Variants in UNC5D observed in about 807,000 individuals in gnomAD.
UNC5D encodes unc-5 netrin receptor D.
UNC5D carries 39 observed loss-of-function variants against 105.4 expected under a neutral mutation model. The ratio of observed to expected loss-of-function variants is 0.37; its 90% CI spans 0.29 to 0.48. The LOEUF (loss-of-function observed/expected upper bound fraction) is 0.48, where lower values mean the gene tolerates loss of function less well. Ranked by LOEUF, UNC5D falls within the 20% of genes least tolerant of loss-of-function variation. The probability of loss-of-function intolerance (pLI) is 0.98; values close to 1 mark genes in which losing one functional copy is unlikely to be tolerated. For missense variants in UNC5D, 991 were observed against 1,202.4 expected, an observed-to-expected ratio of 0.82 and a Z score of 2.60; for synonymous variants, 452 against 450.4, an observed-to-expected ratio of 1.00 and a Z score of -0.04.
At chr8:35,790,233 TAG>T in intron 16 of UNC5D, 124 bp from the exon 17 acceptor site, 1 of 1,030,036 alleles carries the variant, frequency 9.7e-7, no homozygotes, top group Non-Finnish European at 1.4e-6. Context: ...TGCCTTACTA[TAG>T]CTTTTTATCC....
rs144841954 is a variant in UNC5D, at chr8:35,420,872, A to G, written c.104-128420A>G. 3.3e-5 allele frequency among the ~76,000 whole-genome samples: 5 copies of G among 152,290 alleles called. No homozygotes were observed. In the East Asian group the frequency reaches 9.7e-4, roughly 29 times the overall value. On this transcript the variant is annotated intron_variant, in intron 1 of 16. Transcript: ENST00000404895. Reference sequence around the variant, plus strand: ...TAAAAAAATCATTATTACCTAAAGTATCTGACAAGTCAAGTAGGATACAGG... The same window carrying G: ...TAAAAAAATCATTATTACCTAAAGTGTCTGACAAGTCAAGTAGGATACAGG...
chr8:35,426,122 G>C (rs1005401583), intron 1 of UNC5D, among the ~76,000 whole-genome samples: 1 of 152,036 alleles, frequency 6.6e-6, no homozygotes, highest in African/African-American at 2.4e-5. Flanking sequence ...AAACTACATA[G>C]GATACCGAGA....
chr8:35,402,105 A>G (rs1804506385), intron 1 of UNC5D, among the ~76,000 whole-genome samples: 1 of 152,176 alleles, frequency 6.6e-6, no homozygotes, highest in Non-Finnish European at 1.5e-5. Context: ...CTGATAGGCA[A>G]GGAGTTTGGT....
chr8:35,550,584 G>T, intron 2 of UNC5D, among the ~76,000 whole-genome samples: 1 of 152,174 alleles, frequency 6.6e-6, no homozygotes, highest in East Asian at 1.9e-4. Flanking sequence ...AGGCCTTTCA[G>T]AGTATTCAGA....
Position 35,796,043 on chromosome 8 carries a change from G to C in UNC5D, c.*5480G>C, listed in dbSNP as rs1223039524. The C allele has an allele frequency of 6.6e-6, 1 of 152,074 alleles. No individual in the cohort carries two copies. Among genetic ancestry groups the C allele is most frequent in the Non-Finnish European group, 1.5e-5 (1 of 68,014 alleles). The allele number at this position is 152,074 out of a possible 1,614,324, so 9.4% of individuals were successfully genotyped here. The stretch of plus-strand genomic sequence containing the variant: ...TTATTTTGGGAAGGTGCGTGGGGGT[G>C]TTCTTTCAAGTGATTCACATCTCAA... On this transcript the variant is annotated 3_prime_UTR_variant, in exon 17 of 17. Coordinates refer to ENST00000404895, the MANE Select transcript of UNC5D (RefSeq NM_080872.4).
intron 1 of UNC5D, among the ~76,000 whole-genome samples, chr8:35,504,755 G>A (rs1812198048): frequency 6.6e-6 from 1 of 152,082 alleles, no homozygotes; most frequent in Admixed American, 6.5e-5. Flanking sequence ...GTGTAGTCTG[G>A]TGTAGAACTC....
chr8:35,765,982 G>C (rs969430538), intron 14 of UNC5D, among the ~76,000 whole-genome samples: 1 of 152,088 alleles, frequency 6.6e-6, no homozygotes, highest in Non-Finnish European at 1.5e-5. Context: ...AAGGAGAGAG[G>C]CTTTTTAGTA....
chr8:35,582,996 A>T (rs1403443163), intron 3 of UNC5D, among the ~76,000 whole-genome samples: 1 of 152,172 alleles, frequency 6.6e-6, no homozygotes, highest in Non-Finnish European at 1.5e-5. Context: ...GATAAGCTCT[A>T]TTACTGCTTG....
intron 1 of UNC5D, among the ~76,000 whole-genome samples, chr8:35,402,141 A>G (rs527250427): frequency 5.4e-4 from 82 of 152,314 alleles, no homozygotes; most frequent in Non-Finnish European, 1.0e-3. Flanking sequence ...GGAGTGGCTT[A>G]TAGAAGATGT....
chr8:35,525,540 G>C (rs558549584), intron 1 of UNC5D: 1 of 1,612,344 alleles, frequency 6.2e-7, no homozygotes, highest in South Asian at 1.1e-5. Flanking sequence ...GGGAGGAGGG[G>C]TTTCTGTTCG....
At chr8:35,271,690 TGTATAC>T (rs1805374512) in intron 1 of UNC5D, among the ~76,000 whole-genome samples, 1 of 73,140 alleles carries the variant, frequency 1.4e-5, no homozygotes, top group Non-Finnish European at 2.9e-5. Context: ...TATGTATACA[TGTATAC>T]ATGTATACAT....
chr8:35,637,599 A>G (rs1476016053), intron 4 of UNC5D, among the ~76,000 whole-genome samples: 1 of 152,214 alleles, frequency 6.6e-6, no homozygotes, highest in Admixed American at 6.5e-5. Context: ...GTATCCATAT[A>G]GTAAATTGGT....
At chr8:35,403,477 A>G (rs747934126) in intron 1 of UNC5D, among the ~76,000 whole-genome samples, 23 of 152,362 alleles carry the variant, frequency 1.5e-4, no homozygotes, top group Non-Finnish European at 2.8e-4. Context: ...AAAATGGAAG[A>G]AAGTGCAAAT....
At chr8:35,412,019 A>G (rs1292554359) in intron 1 of UNC5D, among the ~76,000 whole-genome samples, 1 of 152,088 alleles carries the variant, frequency 6.6e-6, no homozygotes, top group Non-Finnish European at 1.5e-5. Context: ...AATGAACACA[A>G]CATCTTTAAC....
intron 1 of UNC5D, among the ~76,000 whole-genome samples, chr8:35,426,423 A>G (rs1183903459): frequency 6.6e-6 from 1 of 152,200 alleles, no homozygotes; most frequent in Non-Finnish European, 1.5e-5. Context: ...TCTCTTCTGA[A>G]TAATCTTGGC....
intron 1 of UNC5D, among the ~76,000 whole-genome samples, chr8:35,271,541 T>C (rs1055242924): frequency 7.0e-6 from 1 of 143,558 alleles, no homozygotes; most frequent in Non-Finnish European, 1.5e-5. Flanking sequence ...ATATATTTTA[T>C]ATATGTATAC....
chr8:35,308,767 C>A (rs183976712), intron 1 of UNC5D, among the ~76,000 whole-genome samples: 8 of 152,170 alleles, frequency 5.3e-5, no homozygotes, highest in Middle Eastern at 3.4e-3. Context: ...CTTTAAGCAC[C>A]TGTAAGCCTT....
intron 11 of UNC5D, among the ~76,000 whole-genome samples, chr8:35,746,602 T>C (rs995746169): frequency 6.6e-6 from 1 of 152,182 alleles, no homozygotes; most frequent in Non-Finnish European, 1.5e-5. Context: ...CTCCTAAAGC[T>C]GTTTAAGTTA....
At chr8:35,699,598 A>G (rs1204623858) in intron 7 of UNC5D, among the ~76,000 whole-genome samples, 1 of 152,190 alleles carries the variant, frequency 6.6e-6, no homozygotes, top group Admixed American at 6.5e-5. Flanking sequence ...GACATCACCA[A>G]TTGGAAAACT....
Sources: allele counts gnomAD v4.1 joint callset (sites outside exome capture counted in the v4.1 genomes callset), GRCh38; gene constraint gnomAD v4.1.1; transcripts MANE v1.5; gene names NCBI Gene and HGNC (gene_info 2026-07-23, HGNC 2026-07-21).